Variants in NSD3 observed in about 807,000 individuals in gnomAD.
NSD3 encodes nuclear receptor binding SET domain protein 3.
In NSD3, 24 loss-of-function variants were observed where a neutral mutation model predicts 160.8. That is an observed-to-expected ratio of 0.15 (90% confidence interval 0.11 to 0.21). The LOEUF (loss-of-function observed/expected upper bound fraction) is 0.21. Among genes scored for constraint, NSD3 ranks in the 10% least tolerant of loss-of-function variants. NSD3 has a pLI of 1.00. For synonymous variants in NSD3, 520 were observed against 600.0 expected, an observed-to-expected ratio of 0.87 and a Z score of 1.95; for missense variants, 1,157 against 1,735.9, an observed-to-expected ratio of 0.67 and a Z score of 5.93.
chr8:38,354,639 C>A (rs1358816380), intron 1 of NSD3, among the ~76,000 whole-genome samples: 3 of 151,630 alleles, frequency 2.0e-5, no homozygotes, highest in Non-Finnish European at 2.9e-5. Flanking sequence ...GCAAATGAGA[C>A]AAAATTTTAA....
rs578144675 is a variant in NSD3, at chr8:38,347,935, C to A, written c.237G>T (p.Val79=). 139 of 1,614,218 alleles carry A rather than the reference C, an allele frequency of 8.6e-5. No individual in the cohort carries two copies. In the South Asian group the frequency reaches 1.4e-3, roughly 16 times the overall value. The change falls in exon 2 of 24, where the codon GTG becomes GTT. Residue 79 remains valine, a synonymous_variant. Transcript: ENST00000317025. Reference sequence around the variant, plus strand: ...ACTGGTATTTGGTTTGAGTTTCATACACACTGATTGATGATGGATACCCAT... The same window carrying A: ...ACTGGTATTTGGTTTGAGTTTCATAAACACTGATTGATGATGGATACCCAT... ...LTNGYPSSIS[V]YETQTKYQSY...
intron 19 of NSD3, among the ~76,000 whole-genome samples, chr8:38,283,752 C>A (rs1318433784): frequency 6.6e-6 from 1 of 152,128 alleles, no homozygotes; most frequent in Non-Finnish European, 1.5e-5. Flanking sequence ...CAAAGGTGAC[C>A]ACTGGCTTTT....
intron 4 of NSD3, among the ~76,000 whole-genome samples, chr8:38,335,148 T>C (rs1810185954): frequency 6.6e-6 from 1 of 152,060 alleles, no homozygotes; most frequent in African/African-American, 2.4e-5. Flanking sequence ...CCAAAACGCC[T>C]GGCTAATTTT....
intron 1 of NSD3, among the ~76,000 whole-genome samples, chr8:38,370,581 T>C (rs148392237): frequency 6.6e-5 from 10 of 152,302 alleles, no homozygotes; most frequent in African/African-American, 2.2e-4. Context: ...ATATAAAGTA[T>C]ATATCACACA....
chr8:38,284,035 C>G (rs1808797323), intron 19 of NSD3, among the ~76,000 whole-genome samples: 1 of 152,090 alleles, frequency 6.6e-6, no homozygotes. Flanking sequence ...CCCGAGAGTT[C>G]AAGGCTGCAG....
At chr8:38,305,518 A>G in intron 12 of NSD3, 73 bp from the exon 13 acceptor site, 1 of 1,455,502 alleles carries the variant, frequency 6.9e-7, no homozygotes, top group Non-Finnish European at 9.5e-7. Flanking sequence ...AGCTACAGAC[A>G]TCAAACAGCT....
intron 1 of NSD3, among the ~76,000 whole-genome samples, chr8:38,355,952 C>T (rs908428862): frequency 5.3e-5 from 8 of 152,172 alleles, no homozygotes; most frequent in Non-Finnish European, 8.8e-5. Context: ...GGTTCAAACA[C>T]ACACTCTGTT....
intron 1 of NSD3, among the ~76,000 whole-genome samples, chr8:38,359,999 A>T (rs1239458945): frequency 7.0e-6 from 1 of 143,348 alleles, no homozygotes; most frequent in Non-Finnish European, 1.5e-5. Flanking sequence ...CTCTCAAACA[A>T]TTTTTTTTTT....
chr8:38,304,452 T>C (rs1182624057), intron 14 of NSD3, 135 bp downstream of exon 14: 1 of 725,170 alleles, frequency 1.4e-6, no homozygotes, highest in Non-Finnish European at 2.2e-6. Flanking sequence ...CAGGGATATA[T>C]TACAGTGGAA....
At chr8:38,341,400 C>T (rs1248010790) in intron 2 of NSD3, among the ~76,000 whole-genome samples, 1 of 151,854 alleles carries the variant, frequency 6.6e-6, no homozygotes, top group African/African-American at 2.4e-5. Context: ...TAGCCAGGCA[C>T]TGTGGTGGGT....
intron 2 of NSD3, among the ~76,000 whole-genome samples, chr8:38,342,476 TTTAA>T (rs1393292643): frequency 6.6e-6 from 1 of 152,212 alleles, no homozygotes; most frequent in Non-Finnish European, 1.5e-5. Context: ...TTTTTACATT[TTTAA>T]TTGACTCCAC....
chr8:38,334,923 A>G (rs2150377722), intron 4 of NSD3, among the ~76,000 whole-genome samples: 1 of 152,094 alleles, frequency 6.6e-6, no homozygotes, highest in East Asian at 1.9e-4. Context: ...TAGTAATATA[A>G]ACAAAATCGG....
In NSD3 at chr8:38,276,518, A is replaced by C; in HGVS notation, c.3868-18T>G. On this transcript the variant is annotated intron_variant, in intron 22 of 23. Transcript: ENST00000317025. The stretch of plus-strand genomic sequence containing the variant: ...CATGCCGACTGGCAGGAAAGAAAGG[A>C]TCATAGTTTCAAACATCACAGACAG... The C allele has an allele frequency of 6.2e-7, 1 of 1,613,746 alleles. No individual in the cohort carries two copies.
chr8:38,360,567 T>C (rs1321069015), intron 1 of NSD3, among the ~76,000 whole-genome samples: 3 of 152,224 alleles, frequency 2.0e-5, no homozygotes, highest in Admixed American at 6.5e-5. Flanking sequence ...TCAGCAGTTA[T>C]ACTAATAAAA....
chr8:38,300,997 G>T (rs757163999), intron 14 of NSD3, among the ~76,000 whole-genome samples: 8 of 152,024 alleles, frequency 5.3e-5, no homozygotes, highest in Non-Finnish European at 8.8e-5. Context: ...TTGAGACAGG[G>T]TCTCGCTCTG....
At chr8:38,362,731 A>G (rs950476476) in intron 1 of NSD3, among the ~76,000 whole-genome samples, 1 of 152,162 alleles carries the variant, frequency 6.6e-6, no homozygotes, top group Non-Finnish European at 1.5e-5. Flanking sequence ...TGTGATTCAT[A>G]TTTTCCTAAA....
chr8:38,338,926 G>A (rs1810290149), intron 2 of NSD3, among the ~76,000 whole-genome samples: 1 of 152,122 alleles, frequency 6.6e-6, no homozygotes, highest in South Asian at 2.1e-4. Flanking sequence ...CAGATCACAA[G>A]GTCAGGAGTT....
In NSD3 at chr8:38,278,163, C is replaced by G. The variant is rs2130981809; in HGVS notation, c.3867+143G>C. ...CCGTGTTAGCCAGGATGGTCTCGATCTCCTGACCTCGTGATCTGCCCGCCT... is the reference window on the plus strand; with the variant it reads ...CCGTGTTAGCCAGGATGGTCTCGATGTCCTGACCTCGTGATCTGCCCGCCT... On this transcript the variant is annotated intron_variant, in intron 22 of 23. Coordinates refer to ENST00000317025, the MANE Select transcript of NSD3 (RefSeq NM_023034.2). The G allele has an allele frequency of 5.4e-6, 3 of 553,546 alleles. No individual in the cohort carries two copies. In the South Asian group the frequency reaches 7.5e-5, roughly 14 times the overall value. The allele number at this position is 553,546 out of a possible 1,614,324, so 34.3% of individuals were successfully genotyped here. A position where few individuals can be genotyped will look rare whatever the true frequency, so the allele number is the denominator to read the frequency against.
intron 3 of NSD3, 100 bp downstream of exon 3, chr8:38,338,436 T>C: frequency 1.1e-6 from 1 of 919,516 alleles, no homozygotes; most frequent in Admixed American, 1.9e-5. Flanking sequence ...TTTCTGAAAT[T>C]AAGAAGCGTA....
Sources: gnomAD v4.1 joint callset for allele counts (sites outside exome capture counted in the v4.1 genomes callset) on GRCh38, gnomAD v4.1.1 for gene constraint, MANE v1.5 for transcripts, NCBI Gene and HGNC (gene_info 2026-07-23, HGNC 2026-07-21) for gene names.